The following ADAM22 variants were observed in gnomAD, a reference collection of about 807,000 sequenced individuals.
The protein encoded by ADAM22 is ADAM metallopeptidase domain 22, also known as disintegrin and metalloproteinase domain-containing protein 22.
Under a neutral mutation model 144.6 loss-of-function variants are expected in ADAM22, and 65 were observed. The ratio of observed to expected loss-of-function variants is 0.45; its 90% CI spans 0.37 to 0.55. ADAM22 has a LOEUF of 0.55. Ranked by LOEUF, ADAM22 falls within the 20% of genes least tolerant of loss-of-function variation. The pLI is 0.00. For missense variants in ADAM22, 974 were observed against 1,184.9 expected, an observed-to-expected ratio of 0.82 and a Z score of 2.61; for synonymous variants, 391 against 412.6, an observed-to-expected ratio of 0.95 and a Z score of 0.63.
In ADAM22 at chr7:87,949,400, C is replaced by G. The variant is rs137896290; in HGVS notation, c.246+14214C>G. 3.6e-3 allele frequency among the ~76,000 whole-genome samples: 541 copies of G among 152,322 alleles called. 1 individual carries two copies. The highest frequency in any genetic ancestry group is 0.012 in the African/African-American group (510 of 41,572). ...ATAAAGTCTCCTTGCTGTCTTGAGGCCACTATAATCACTGTGACAAAATCA... is the reference window on the plus strand; with the variant it reads ...ATAAAGTCTCCTTGCTGTCTTGAGGGCACTATAATCACTGTGACAAAATCA... On this transcript the variant is annotated intron_variant, in intron 2 of 31. Coordinates refer to ENST00000413139, the MANE Select transcript of ADAM22 (RefSeq NM_001324418.2).
rs537977048 is a variant in ADAM22 at position 88,102,527 on chromosome 7, G to A, written c.391-5649G>A. Among the ~76,000 whole-genome samples the A allele has an allele frequency of 1.3e-4, 20 of 152,260 alleles. No homozygotes were observed. In the South Asian group the frequency reaches 4.1e-3, roughly 32 times the overall value. ...TTAGATGGTTGGGAGTAAGTCATGG[G>A]CATTGGAATTTAAAAGCTCCCGGGT... On this transcript the variant is annotated intron_variant, in intron 4 of 31. Transcript: ENST00000413139.
chr7:88,193,184 A>AC lies in ADAM22; in HGVS notation c.2822dup (p.Met942AsnfsTer6). ...ATTGCCTCCAGCAGAAAATACCCTTACCCAATGCCTCCACTTCCTGATGAG... is the reference window on the plus strand; with the variant it reads ...ATTGCCTCCAGCAGAAAATACCCTTACCCCAATGCCTCCACTTCCTGATGAG... On this transcript the variant is annotated frameshift_variant, in exon 31 of 32. Transcript: ENST00000413139. LOFTEE classifies it high-confidence loss of function. The AC allele has an allele frequency of 6.2e-7, 1 of 1,614,106 alleles. No homozygotes were observed. The highest frequency in any genetic ancestry group is 8.5e-7 in the Non-Finnish European group (1 of 1,179,976).
At chr7:87,963,039 G>A (rs117672926) in intron 2 of ADAM22, among the ~76,000 whole-genome samples, 1 of 152,292 alleles carries the variant, frequency 6.6e-6, no homozygotes, top group Non-Finnish European at 1.5e-5. Flanking sequence ...TTATTGTCTT[G>A]TAAGATAATA....
At chr7:88,182,074 T>C (rs1187188337) in intron 29 of ADAM22, 50 bp downstream of exon 29, 25 of 1,498,274 alleles carry the variant, frequency 1.7e-5, no homozygotes, top group Non-Finnish European at 2.3e-5. Context: ...CCTGTGCAAA[T>C]AGTGTCAAAA....
intron 3 of ADAM22, among the ~76,000 whole-genome samples, chr7:88,027,210 G>A (rs1799204848): frequency 6.6e-6 from 1 of 152,074 alleles, no homozygotes; most frequent in South Asian, 2.1e-4. Context: ...ACACATTTTT[G>A]TCTGGCTTTA....
intron 25 of ADAM22, 83 bp downstream of exon 25, chr7:88,168,310 T>G: frequency 7.4e-7 from 1 of 1,356,988 alleles, no homozygotes; most frequent in Non-Finnish European, 1.0e-6. Flanking sequence ...GAAAGTTTTG[T>G]ATCATTGGTT....
chr7:88,147,971 C>A (rs1165272790), intron 17 of ADAM22, among the ~76,000 whole-genome samples: 1 of 152,132 alleles, frequency 6.6e-6, no homozygotes, highest in Non-Finnish European at 1.5e-5. Context: ...GTAGTTAGAA[C>A]AGTGCTTGGC....
intron 3 of ADAM22, among the ~76,000 whole-genome samples, chr7:88,045,047 C>T (rs936020762): frequency 3.4e-5 from 5 of 148,804 alleles, no homozygotes; most frequent in Non-Finnish European, 7.4e-5. Context: ...GACAAACTCT[C>T]GCTCTTGTTG....
At chr7:87,972,831 C>A (rs1304082904) in intron 2 of ADAM22, among the ~76,000 whole-genome samples, 21 of 152,010 alleles carry the variant, frequency 1.4e-4, no homozygotes, top group South Asian at 2.1e-4. Flanking sequence ...TGAGAAAAAC[C>A]AGCAATGGGG....
intron 27 of ADAM22, among the ~76,000 whole-genome samples, chr7:88,181,234 T>G (rs1037648691): frequency 6.6e-6 from 1 of 152,180 alleles, no homozygotes; most frequent in Non-Finnish European, 1.5e-5. Context: ...TTCTGGGGAA[T>G]GTAAATTGGC....
At chr7:88,083,171 A>T (rs1817351537) in intron 4 of ADAM22, among the ~76,000 whole-genome samples, 1 of 152,218 alleles carries the variant, frequency 6.6e-6, no homozygotes, top group Non-Finnish European at 1.5e-5. Flanking sequence ...AAAAATGATG[A>T]GCTCATGTCC....
Position 88,010,425 on chromosome 7 carries a change from C to T in ADAM22, c.323+32013C>T, listed in dbSNP as rs151097247. On this transcript the variant is annotated intron_variant, in intron 3 of 31. Coordinates refer to ENST00000413139, the MANE Select transcript of ADAM22 (RefSeq NM_001324418.2). ...AGCAGGTTGGAAGTAGCCTAAAGGT[C>T]GCCTGGATTTATATATTCGAACAGT... 9.9e-4 allele frequency among the ~76,000 whole-genome samples: 151 copies of T among 152,194 alleles called. 1 individual carries two copies. Among genetic ancestry groups the T allele is most frequent in the African/African-American group, 2.9e-3 (122 of 41,526 alleles).
chr7:88,162,564 A>G (rs536786774), intron 22 of ADAM22, among the ~76,000 whole-genome samples: 4 of 152,246 alleles, frequency 2.6e-5, no homozygotes, highest in East Asian at 1.9e-4. Flanking sequence ...TATATTTTCA[A>G]TGCTTACCGA....
intron 14 of ADAM22, among the ~76,000 whole-genome samples, chr7:88,137,763 C>CAAAAAAAAAA (rs1217414983): frequency 1.3e-5 from 2 of 152,272 alleles, no homozygotes; most frequent in East Asian, 3.9e-4. Context: ...TGATTTTCAA[C>CAAAAAAAAAA]AAATATTTCT....
Position 87,998,476 on chromosome 7 carries a change from C to T in ADAM22, c.323+20064C>T, listed in dbSNP as rs764677792. Among the ~76,000 whole-genome samples, 9 of 152,210 alleles carry T rather than the reference C, an allele frequency of 5.9e-5. No homozygotes were observed. In the East Asian group the frequency reaches 7.7e-4, roughly 13 times the overall value. On this transcript the variant is annotated intron_variant, in intron 3 of 31. Coordinates refer to ENST00000413139, the MANE Select transcript of ADAM22 (RefSeq NM_001324418.2). ...AACAATCTCAGCTCACTGCAACCTC[C>T]GCCTCCCAGGTGCAGGTGATTCTCC...
chr7:88,140,817 C>T (rs1049945712), intron 14 of ADAM22, among the ~76,000 whole-genome samples: 7 of 152,106 alleles, frequency 4.6e-5, no homozygotes, highest in Non-Finnish European at 8.8e-5. Flanking sequence ...GCCTGGGCAA[C>T]AGAGTGAGAC....
At chr7:88,165,242 A>T (rs1166151976) in intron 23 of ADAM22, among the ~76,000 whole-genome samples, 5 of 152,100 alleles carry the variant, frequency 3.3e-5, no homozygotes, top group Non-Finnish European at 7.4e-5. Context: ...TGTCAATTTT[A>T]TATGAATCTT....
chr7:87,963,941 G>A (rs1423466559), intron 2 of ADAM22, among the ~76,000 whole-genome samples: 1 of 152,166 alleles, frequency 6.6e-6, no homozygotes, highest in African/African-American at 2.4e-5. Flanking sequence ...ATATTCAGAT[G>A]TGAGGCTGTA....
At chr7:88,166,672 G>T (rs1843007491) in intron 24 of ADAM22, among the ~76,000 whole-genome samples, 1 of 152,146 alleles carries the variant, frequency 6.6e-6, no homozygotes, top group South Asian at 2.1e-4. Flanking sequence ...TAATAGTCCA[G>T]AAAGGGTAAA....
Sources: allele counts gnomAD v4.1 joint callset (sites outside exome capture counted in the v4.1 genomes callset), GRCh38; gene constraint gnomAD v4.1.1; transcripts MANE v1.5; gene names NCBI Gene and HGNC (gene_info 2026-07-23, HGNC 2026-07-21).